Variants in MAST2 observed in about 807,000 individuals in gnomAD.
MAST2 encodes the protein microtubule-associated serine/threonine-protein kinase 2.
A neutral mutation model predicts 147.4 loss-of-function variants in MAST2; 70 were observed. The observed-to-expected ratio is 0.47, with a 90% CI of 0.39 to 0.58. The LOEUF (loss-of-function observed/expected upper bound fraction) is 0.58. MAST2 is among the 20% of genes least tolerant of loss of function. MAST2 has a pLI of 0.00. For missense variants in MAST2, 2,080 were observed against 2,302.3 expected (o/e 0.90, Z 1.98); for synonymous variants, 869 against 896.8 (o/e 0.97, Z 0.55).
At position 46,035,020 on chromosome 1, in the gene MAST2, G is replaced by A; in HGVS notation, c.4351G>A (p.Val1451Ile). The A allele has an allele frequency of 6.2e-7, 1 of 1,614,046 alleles. No individual in the cohort carries two copies. The highest frequency in any genetic ancestry group is 8.5e-7 in the Non-Finnish European group (1 of 1,180,038). ...GCCCAGGGAAGTGAGCCCTCTGGAG[G>A]TAGTTGGAGCCAGGAGTGTGCTGTC... ...LPPREVSPLE[V>I]VGARSVLSGK... Residue 1451 changes from valine to isoleucine, a missense_variant, in exon 29 of 29, where the codon GTA becomes ATA. By Grantham distance (29) the Val-to-Ile change is conservative (BLOSUM62 3). Around this residue, in one of 4 missense-constraint regions of MAST2, gnomAD observed 1,278 missense variants for 1,304.2 expected, o/e 0.98. Transcript: ENST00000361297. This position sits in a 1 kb window ranked among gnomAD's most constrained non-coding sequence, Gnocchi z 5.5.
At chr1:45,842,306 A>G (rs538980454) in intron 3 of MAST2, among the ~76,000 whole-genome samples, 6 of 152,340 alleles carry the variant, frequency 3.9e-5, no homozygotes, top group African/African-American at 7.2e-5. Context: ...TTTTAAAAAT[A>G]TTGATATGAA....
At position 46,031,282 on chromosome 1, in the gene MAST2, C is replaced by T. The variant is rs1646653641; in HGVS notation, c.2984C>T (p.Ser995Phe). 6.5e-7 allele frequency: 1 copy of T among 1,537,752 alleles called. No individual in the cohort carries two copies. The highest frequency in any genetic ancestry group is 2.0e-5 in the Admixed American group (1 of 51,194). ...GAAGCTGTTGGCCGGAGCAGTGGTTCCAGTCCAGGTATGGCCCAGTGGGCG... is the reference window on the plus strand; with the variant it reads ...GAAGCTGTTGGCCGGAGCAGTGGTTTCAGTCCAGGTATGGCCCAGTGGGCG... ...DEEAVGRSSGSSPAMETRGRG... is the reference protein window; with the variant it reads ...DEEAVGRSSGFSPAMETRGRG... Residue 995 changes from serine to phenylalanine, a missense_variant, in exon 23 of 29, where the codon TCC (serine) becomes TTC (phenylalanine). This residue lies in a region of MAST2 where 1,278 missense variants were observed against 1,304.2 expected (regional missense o/e 0.98). Coordinates refer to ENST00000361297, the MANE Select transcript of MAST2 (RefSeq NM_015112.3). The surrounding 1 kb of genome is among the most constrained non-coding windows in gnomAD (Gnocchi z 4.1).
At chr1:45,923,482 G>C (rs1653868814) in intron 4 of MAST2, among the ~76,000 whole-genome samples, 1 of 152,190 alleles carries the variant, frequency 6.6e-6, no homozygotes, top group African/African-American at 2.4e-5. Flanking sequence ...ACTTTAAAAT[G>C]TAAAGGTCAT....
intron 3 of MAST2, among the ~76,000 whole-genome samples, chr1:45,845,774 C>G (rs1645411127): frequency 6.6e-6 from 1 of 151,988 alleles, no homozygotes; most frequent in African/African-American, 2.4e-5. Context: ...CCTCTTTTTC[C>G]TTTTTTGAGA....
At chr1:45,990,274 T>C (rs143548349) in intron 5 of MAST2, among the ~76,000 whole-genome samples, 1 of 152,336 alleles carries the variant, frequency 6.6e-6, no homozygotes, top group African/African-American at 2.4e-5. Context: ...TAGTTTTAAT[T>C]TGCAATGTCC....
At chr1:45,912,783 T>C (rs1651879516) in intron 4 of MAST2, among the ~76,000 whole-genome samples, 1 of 152,230 alleles carries the variant, frequency 6.6e-6, no homozygotes, top group South Asian at 2.1e-4. Flanking sequence ...TTCCTATTTG[T>C]TGGGACTAAT....
intron 5 of MAST2, among the ~76,000 whole-genome samples, chr1:45,996,002 T>G (rs1166726648): frequency 5.3e-5 from 8 of 152,036 alleles, no homozygotes; most frequent in Non-Finnish European, 4.4e-5. Context: ...CTTCCTATCT[T>G]TTTTCTGTAT....
In MAST2 at chr1:46,023,207, C is replaced by A; in HGVS notation, c.1486-26C>A. 1 of 1,599,244 alleles carries A rather than the reference C, an allele frequency of 6.3e-7. No individual in the cohort carries two copies. The highest frequency in any genetic ancestry group is 8.6e-7 in the Non-Finnish European group (1 of 1,166,436). ...TATGGGCTCTGAGAAGCATGCCTGT[C>A]TCCTGCCTTTTCCCTTGTCTTCCAG... On this transcript the variant is annotated intron_variant, in intron 13 of 28. Coordinates refer to ENST00000361297, the MANE Select transcript of MAST2 (RefSeq NM_015112.3). The surrounding 1 kb of genome is among the most constrained non-coding windows in gnomAD (Gnocchi z 4.9).
rs564972493 is a variant in MAST2 at position 45,995,016 on chromosome 1, T to A, written c.593-2708T>A. Among the ~76,000 whole-genome samples the A allele has an allele frequency of 3.1e-3, 469 of 151,968 alleles. 1 individual carries two copies. The highest frequency in any genetic ancestry group is 4.5e-3 in the Non-Finnish European group (303 of 67,950). ...ACCACGCCCGGCTAATTTTTTTGTA[T>A]TTTTTAGTAGAGACAGGGTTTCATT... On this transcript the variant is annotated intron_variant, in intron 5 of 28. Transcript: ENST00000361297.
intron 5 of MAST2, among the ~76,000 whole-genome samples, chr1:45,963,477 A>C (rs1660732139): frequency 6.6e-6 from 1 of 152,208 alleles, no homozygotes; most frequent in Non-Finnish European, 1.5e-5. Context: ...GAGGTCCTTC[A>C]CATCCCTTGT....
chr1:46,029,025 G>A, intron 18 of MAST2, 92 bp downstream of exon 18: 1 of 1,359,194 alleles, frequency 7.4e-7, no homozygotes, highest in Non-Finnish European at 1.0e-6. Flanking sequence ...GTGAGCTCTT[G>A]TTCTGAACTC....
chr1:45,851,749 A>G (rs371379234), intron 3 of MAST2, among the ~76,000 whole-genome samples: 1 of 151,966 alleles, frequency 6.6e-6, no homozygotes, highest in East Asian at 1.9e-4. Flanking sequence ...GACCTAATAG[A>G]AAAAATTTTC....
At chr1:45,996,505 A>G (rs2149150237) in intron 5 of MAST2, among the ~76,000 whole-genome samples, 1 of 152,240 alleles carries the variant, frequency 6.6e-6, no homozygotes, top group South Asian at 2.1e-4. Flanking sequence ...AGGTCATAAC[A>G]GATATCCCTG....
At chr1:46,022,194 C>T (rs1482464805) in intron 12 of MAST2, 112 bp downstream of exon 12, 2 of 1,383,710 alleles carry the variant, frequency 1.4e-6, no homozygotes, top group Non-Finnish European at 2.0e-6. Context: ...ACAACATGGC[C>T]CCGGGGGCCT....
At chr1:45,967,108 C>G (rs1003286010) in intron 5 of MAST2, among the ~76,000 whole-genome samples, 1 of 151,844 alleles carries the variant, frequency 6.6e-6, no homozygotes, top group Non-Finnish European at 1.5e-5. Context: ...GAGTCTCACT[C>G]TGTCACCCAG....
At chr1:45,959,900 A>T (rs943492681) in intron 5 of MAST2, among the ~76,000 whole-genome samples, 1 of 152,046 alleles carries the variant, frequency 6.6e-6, no homozygotes, top group East Asian at 1.9e-4. Context: ...CTGCTCTTAG[A>T]TTAGGAGATA....
chr1:46,018,982 T>C (rs1646071891), intron 10 of MAST2, among the ~76,000 whole-genome samples: 1 of 152,260 alleles, frequency 6.6e-6, no homozygotes, highest in Admixed American at 6.5e-5. Context: ...TTATTCATTG[T>C]AATTTTCCTA....
intron 4 of MAST2, among the ~76,000 whole-genome samples, chr1:45,950,186 T>C (rs1422577819): frequency 6.6e-6 from 1 of 152,140 alleles, no homozygotes; most frequent in Admixed American, 6.5e-5. Context: ...TTTACCTATG[T>C]ACCTGAATAT....
At chr1:45,983,103 A>G (rs1057051109) in intron 5 of MAST2, among the ~76,000 whole-genome samples, 2 of 151,956 alleles carry the variant, frequency 1.3e-5, no homozygotes, top group Non-Finnish European at 2.9e-5. Context: ...CCTGGCAACA[A>G]CTCCATAACT....
Sources: allele counts gnomAD v4.1 joint callset (sites outside exome capture counted in the v4.1 genomes callset), GRCh38; gene constraint gnomAD v4.1.1; regional missense constraint gnomAD v4.1.1; non-coding constraint Gnocchi (gnomAD v3.1); transcripts MANE v1.5; gene names NCBI Gene and HGNC (gene_info 2026-07-23, HGNC 2026-07-21).